Variants in CTNNA1 observed in about 807,000 individuals in gnomAD.
The protein encoded by CTNNA1 is catenin alpha-1.
A neutral mutation model predicts 98.4 loss-of-function variants in CTNNA1; 37 were observed. The ratio of observed to expected loss-of-function variants is 0.38; its 90% CI spans 0.29 to 0.49. The LOEUF is 0.49. Ranked by LOEUF, CTNNA1 falls within the 20% of genes least tolerant of loss-of-function variation. The probability of loss-of-function intolerance (pLI) is 0.95; values close to 1 mark genes in which losing one functional copy is unlikely to be tolerated. For missense variants in CTNNA1, 761 were observed against 1,147.2 expected (o/e 0.66, Z 4.86); for synonymous variants, 404 against 413.2 (o/e 0.98, Z 0.27).
chr5:138,873,370 G>A lies in CTNNA1; in HGVS notation c.1063-12842G>A. 1 of 1,614,028 alleles carries A rather than the reference G, an allele frequency of 6.2e-7. No individual in the cohort carries two copies. Among genetic ancestry groups the A allele is most frequent in the South Asian group, 1.1e-5 (1 of 91,086 alleles). ...TAACTGCTATGCCTGCAGTAGTTGG[G>A]ATTTCTTTGTCTCCCACATGGTAAC... On this transcript the variant is annotated intron_variant, in intron 7 of 17. Coordinates refer to ENST00000302763, the MANE Select transcript of CTNNA1 (RefSeq NM_001903.5). The surrounding 1 kb of genome is among the most constrained non-coding windows in gnomAD (Gnocchi z 6.1).
intron 7 of CTNNA1, among the ~76,000 whole-genome samples, chr5:138,860,705 C>T (rs1172393667): frequency 2.6e-5 from 4 of 151,578 alleles, no homozygotes; most frequent in Non-Finnish European, 4.4e-5. Flanking sequence ...CGTGTTGCCC[C>T]GGCTGGTCTG....
chr5:138,932,814 T>A, intron 17 of CTNNA1, 102 bp downstream of exon 17: 2 of 1,442,614 alleles, frequency 1.4e-6, no homozygotes, highest in Non-Finnish European at 1.9e-6. Context: ...CCTGGGAAAG[T>A]GTGCTGTGCA....
At chr5:138,896,186 T>C (rs1756762222) in intron 9 of CTNNA1, among the ~76,000 whole-genome samples, 1 of 152,198 alleles carries the variant, frequency 6.6e-6, no homozygotes, top group Non-Finnish European at 1.5e-5. Context: ...CCCCTGTGTG[T>C]ACACAGTGTC....
chr5:138,910,744 G>A (rs1760427336), intron 10 of CTNNA1, among the ~76,000 whole-genome samples: 2 of 152,162 alleles, frequency 1.3e-5, no homozygotes, highest in African/African-American at 2.4e-5. Context: ...GCAAACCACG[G>A]AGGATGTCTC....
intron 7 of CTNNA1, among the ~76,000 whole-genome samples, chr5:138,882,215 A>C (rs558266322): frequency 6.6e-6 from 1 of 152,294 alleles, no homozygotes; most frequent in African/African-American, 2.4e-5. Context: ...CTTAGGGCTG[A>C]GGTTGGCTAG....
intron 11 of CTNNA1, among the ~76,000 whole-genome samples, chr5:138,923,094 T>TC (rs1283580657): frequency 3.3e-5 from 5 of 152,254 alleles, no homozygotes; most frequent in Non-Finnish European, 7.3e-5. Flanking sequence ...TTAGTTTTGC[T>TC]ATCAACATGA....
chr5:138,889,840 A>G (rs1478476758), intron 9 of CTNNA1, among the ~76,000 whole-genome samples: 1 of 152,148 alleles, frequency 6.6e-6, no homozygotes, highest in Non-Finnish European at 1.5e-5. Context: ...AGACACTAGG[A>G]TGTATAATTG....
chr5:138,783,395 G>A (rs1207341381), intron 3 of CTNNA1, 23 bp downstream of exon 3: 1 of 1,584,146 alleles, frequency 6.3e-7, no homozygotes, highest in Non-Finnish European at 8.6e-7. Flanking sequence ...TGCTTTTTAG[G>A]TAAAGAGAGG....
intron 4 of CTNNA1, among the ~76,000 whole-genome samples, chr5:138,811,213 CAG>C (rs1413764142): frequency 6.8e-6 from 1 of 147,126 alleles, no homozygotes; most frequent in East Asian, 2.2e-4. Flanking sequence ...GGCGGCCGGG[CAG>C]AGACGCTCCT....
chr5:138,882,240 A>G (rs2149998778), intron 7 of CTNNA1, among the ~76,000 whole-genome samples: 1 of 152,342 alleles, frequency 6.6e-6, no homozygotes, highest in East Asian at 1.9e-4. Context: ...AGCTTCCACA[A>G]GGAAGTAGTT....
At chr5:138,871,695 A>C (rs541938854) in intron 7 of CTNNA1, 2 of 152,176 alleles carry the variant, frequency 1.3e-5, no homozygotes, top group South Asian at 2.1e-4. Context: ...GCTGCCTTCA[A>C]GTTACCACTG....
Position 138,934,093 on chromosome 5 carries a change from T to G in CTNNA1, c.*4T>G, listed in dbSNP as rs766556471. On this transcript the variant is annotated 3_prime_UTR_variant, in exon 18 of 18. Transcript: ENST00000302763. Reference sequence around the variant, plus strand: ...CAAAGCTATGGACAGCATCTAAGTCTGCCCAGGCCGGCCGCCCCCACCCCT... The same window carrying G: ...CAAAGCTATGGACAGCATCTAAGTCGGCCCAGGCCGGCCGCCCCCACCCCT... 6.2e-7 allele frequency: 1 copy of G among 1,607,034 alleles called. No homozygotes were observed. Among genetic ancestry groups the G allele is most frequent in the Non-Finnish European group, 8.5e-7 (1 of 1,176,898 alleles).
rs780313483 is a variant in CTNNA1, at chr5:138,929,376, G to A, written c.2010+20G>A. The stretch of plus-strand genomic sequence containing the variant: ...GCCCGGGTAAGGAAGCGCTCCGTGG[G>A]GCAGTTCAGCTTGTGCTGCCGACTT... On this transcript the variant is annotated intron_variant, in intron 14 of 17. Coordinates refer to ENST00000302763, the MANE Select transcript of CTNNA1 (RefSeq NM_001903.5). 3.0e-5 allele frequency: 38 copies of A among 1,287,246 alleles called. 2 individuals are homozygous for A. In the South Asian group the frequency reaches 4.3e-4, roughly 14 times the overall value. 79.7% of individuals were successfully genotyped at this position (1,287,246 alleles called of 1,614,324 possible).
intron 7 of CTNNA1, among the ~76,000 whole-genome samples, chr5:138,837,114 G>A (rs1003815969): frequency 6.6e-6 from 1 of 152,100 alleles, no homozygotes; most frequent in African/African-American, 2.4e-5. Flanking sequence ...GACTAGTTTG[G>A]CTAAAGTGGT....
chr5:138,886,895 T>A (rs530348261), intron 8 of CTNNA1, among the ~76,000 whole-genome samples: 111 of 152,286 alleles, frequency 7.3e-4, no homozygotes, highest in Non-Finnish European at 1.4e-3. Flanking sequence ...CTTAAGAAGT[T>A]GTAATACAGA....
rs2149736920 is a variant in CTNNA1, at chr5:138,812,303, G to A, written c.588+1G>A. On this transcript the variant is annotated splice_donor_variant, in intron 5 of 17. Transcript: ENST00000302763. LOFTEE classifies it high-confidence loss of function. ...CATTATGGCAGCCAAAAGACAACAG[G>A]TACAGTCATGATTTGGGGATATATT... is the stretch of plus-strand genomic sequence containing the variant. 6.2e-7 allele frequency: 1 copy of A among 1,611,058 alleles called. No individual in the cohort carries two copies. The highest frequency in any genetic ancestry group is 8.5e-7 in the Non-Finnish European group (1 of 1,179,158).
At chr5:138,879,532 G>A (rs569667478) in intron 7 of CTNNA1, among the ~76,000 whole-genome samples, 1 of 151,842 alleles carries the variant, frequency 6.6e-6, no homozygotes, top group Non-Finnish European at 1.5e-5. Flanking sequence ...GCAGAGGCAC[G>A]ATCATAGCTC....
intron 1 of CTNNA1, among the ~76,000 whole-genome samples, chr5:138,781,245 G>A (rs1473027975): frequency 1.3e-5 from 2 of 152,150 alleles, no homozygotes. Flanking sequence ...CGTTTTTGAA[G>A]CAGTGTCTTT....
chr5:138,801,691 T>A (rs546684223), intron 3 of CTNNA1, among the ~76,000 whole-genome samples: 211 of 152,358 alleles, frequency 1.4e-3, no homozygotes, highest in Non-Finnish European at 2.7e-3. Context: ...AAGTGTGTAG[T>A]TGTGTTGCTT....
Sources: gnomAD v4.1 joint callset for allele counts (sites outside exome capture counted in the v4.1 genomes callset) on GRCh38, gnomAD v4.1.1 for gene constraint, Gnocchi (gnomAD v3.1) non-coding constraint, MANE v1.5 for transcripts, NCBI Gene and HGNC (gene_info 2026-07-23, HGNC 2026-07-21) for gene names.